FAM168A: variants seen among roughly 807,000 people sequenced by gnomAD.
The protein encoded by FAM168A is protein FAM168A.
FAM168A carries 3 observed loss-of-function variants against 28.5 expected under a neutral mutation model. That is an observed-to-expected ratio of 0.11 (90% confidence interval 0.05 to 0.27). The LOEUF is 0.27. FAM168A is among the 10% of genes least tolerant of loss of function. The pLI is 1.00. For missense variants in FAM168A, 222 were observed against 311.5 expected, an observed-to-expected ratio of 0.71 and a Z score of 2.16; for synonymous variants, 122 against 124.2, an observed-to-expected ratio of 0.98 and a Z score of 0.12.
At chr11:73,592,539 C>CATG (rs2134749418) in intron 1 of FAM168A, among the ~76,000 whole-genome samples, 1 of 152,130 alleles carries the variant, frequency 6.6e-6, no homozygotes, top group East Asian at 1.9e-4. Flanking sequence ...ATGGCCCGCC[C>CATG]ATGGCCTATT....
intron 1 of FAM168A, among the ~76,000 whole-genome samples, chr11:73,493,771 G>T (rs865790105): frequency 1.3e-5 from 2 of 152,106 alleles, no homozygotes; most frequent in Non-Finnish European, 2.9e-5. Context: ...CTGTCCCAGA[G>T]TTTAAAAAAA....
chr11:73,411,117 A>G (rs540694531), intron 5 of FAM168A, among the ~76,000 whole-genome samples: 191 of 152,326 alleles, frequency 1.3e-3, no homozygotes, highest in Non-Finnish European at 1.9e-3. Flanking sequence ...CTTGTTTAAC[A>G]AAGGAGTTGA....
At chr11:73,528,552 G>A (rs111839743) in intron 1 of FAM168A, among the ~76,000 whole-genome samples, 42 of 152,118 alleles carry the variant, frequency 2.8e-4, no homozygotes, top group African/African-American at 9.6e-4. Flanking sequence ...TTACTTTCAG[G>A]AATGTCCTAT....
intron 1 of FAM168A, among the ~76,000 whole-genome samples, chr11:73,483,152 TAAATG>T (rs2134596405): frequency 6.6e-6 from 1 of 152,302 alleles, no homozygotes; most frequent in African/African-American, 2.4e-5. Context: ...TTGGAAAAAT[TAAATG>T]AAATAATATA....
rs144115012 is a variant in FAM168A, at chr11:73,555,581, G to A, written c.-19+42342C>T. On this transcript the variant is annotated intron_variant, in intron 1 of 7. Coordinates refer to ENST00000356467, the MANE Select transcript of FAM168A (RefSeq NM_015159.3). Reference sequence around the variant, plus strand: ...AAATTAACTGGGCGTGGTCATGGGCGCCTGTAAAACCAGCTACTTGGATGG... The same window carrying A: ...AAATTAACTGGGCGTGGTCATGGGCACCTGTAAAACCAGCTACTTGGATGG... 6.7e-3 allele frequency among the ~76,000 whole-genome samples: 1,018 copies of A among 151,914 alleles called. 14 individuals are homozygous for A. The highest frequency in any genetic ancestry group is 0.026 in the Admixed American group (396 of 15,236).
chr11:73,515,440 A>G, intron 1 of FAM168A, among the ~76,000 whole-genome samples: 1 of 150,986 alleles, frequency 6.6e-6, no homozygotes, highest in Non-Finnish European at 1.5e-5. Context: ...CCCGAGAGGC[A>G]GAGGTTGCAG....
At chr11:73,539,070 C>G (rs1343170489) in intron 1 of FAM168A, among the ~76,000 whole-genome samples, 1 of 152,110 alleles carries the variant, frequency 6.6e-6, no homozygotes, top group Non-Finnish European at 1.5e-5. Context: ...AGAGCTAGCA[C>G]AAAGTAGATG....
intron 2 of FAM168A, among the ~76,000 whole-genome samples, chr11:73,449,884 G>A (rs1453062149): frequency 6.6e-6 from 1 of 152,152 alleles, no homozygotes; most frequent in African/African-American, 2.4e-5. Flanking sequence ...CAAGACCAAG[G>A]ACTACTGATT....
intron 1 of FAM168A, among the ~76,000 whole-genome samples, chr11:73,508,664 G>T (rs1855162046): frequency 6.6e-6 from 1 of 151,700 alleles, no homozygotes; most frequent in Non-Finnish European, 1.5e-5. Flanking sequence ...AGTACTAGGG[G>T]TGTGTGTGTG....
At chr11:73,562,184 G>A (rs1198604403) in intron 1 of FAM168A, among the ~76,000 whole-genome samples, 10 of 152,162 alleles carry the variant, frequency 6.6e-5, no homozygotes, top group African/African-American at 2.2e-4. Context: ...TTCGTGATCC[G>A]CCTGCCCTGG....
intron 1 of FAM168A, among the ~76,000 whole-genome samples, chr11:73,559,361 C>T (rs1333092370): frequency 2.0e-5 from 3 of 152,028 alleles, no homozygotes; most frequent in Admixed American, 1.3e-4. Flanking sequence ...GAGCCGAGAT[C>T]GCGCCACTGC....
At chr11:73,489,496 C>T (rs972109500) in intron 1 of FAM168A, among the ~76,000 whole-genome samples, 6 of 151,018 alleles carry the variant, frequency 4.0e-5, no homozygotes, top group African/African-American at 1.5e-4. Flanking sequence ...CTCTCCCCCA[C>T]ACCCCATCCC....
chr11:73,571,360 C>T (rs1386648346), intron 1 of FAM168A, among the ~76,000 whole-genome samples: 1 of 151,544 alleles, frequency 6.6e-6, no homozygotes, highest in African/African-American at 2.4e-5. Flanking sequence ...ATTCCCCTGC[C>T]TCAGCCTGCC....
At chr11:73,592,645 G>A (rs567050069) in intron 1 of FAM168A, among the ~76,000 whole-genome samples, 11 of 152,174 alleles carry the variant, frequency 7.2e-5, no homozygotes, top group East Asian at 3.9e-4. Flanking sequence ...AGCAAGAGGA[G>A]GGGCTTCAGG....
chr11:73,510,320 G>A (rs933059987), intron 1 of FAM168A, among the ~76,000 whole-genome samples: 2 of 152,120 alleles, frequency 1.3e-5, no homozygotes, highest in Non-Finnish European at 2.9e-5. Flanking sequence ...GAGATAAGGC[G>A]TAATCTCTGT....
intron 1 of FAM168A, among the ~76,000 whole-genome samples, chr11:73,531,958 T>C (rs985884153): frequency 4.8e-4 from 71 of 148,928 alleles, no homozygotes; most frequent in African/African-American, 1.7e-3. Flanking sequence ...GCGCACACCA[T>C]CATGCCTGGC....
At chr11:73,451,620 T>A (rs1165733405) in intron 2 of FAM168A, among the ~76,000 whole-genome samples, 2 of 152,200 alleles carry the variant, frequency 1.3e-5, no homozygotes, top group Non-Finnish European at 2.9e-5. Context: ...TACTGTACCT[T>A]TTCTATGTTT....
intron 2 of FAM168A, among the ~76,000 whole-genome samples, chr11:73,441,121 C>T (rs1169179690): frequency 6.6e-6 from 1 of 150,964 alleles, no homozygotes; most frequent in Non-Finnish European, 1.5e-5. Context: ...TGCAGTGGCG[C>T]TATCTCAGTT....
intron 1 of FAM168A, among the ~76,000 whole-genome samples, chr11:73,531,546 A>G (rs1330324100): frequency 2.0e-5 from 3 of 152,190 alleles, no homozygotes; most frequent in African/African-American, 7.2e-5. Flanking sequence ...CACATGAGTA[A>G]GAATATACCT....
Sources: allele counts gnomAD v4.1 joint callset (sites outside exome capture counted in the v4.1 genomes callset), GRCh38; gene constraint gnomAD v4.1.1; transcripts MANE v1.5; gene names NCBI Gene and HGNC (gene_info 2026-07-23, HGNC 2026-07-21).